ANXA4: variants seen among roughly 807,000 people sequenced by gnomAD.
The protein encoded by ANXA4 is 35-beta calcimedin.
In ANXA4, 39 loss-of-function variants were observed where a neutral mutation model predicts 49.8. The ratio of observed to expected loss-of-function variants is 0.78; its 90% CI spans 0.61 to 1.02. ANXA4 has a LOEUF of 1.02. Ranked by LOEUF, ANXA4 falls within the 50% of genes least tolerant of loss-of-function variation. The pLI, the probability that ANXA4 is intolerant of heterozygous loss-of-function variation, is 0.00. For synonymous variants in ANXA4, 134 were observed against 152.5 expected (o/e 0.88, Z 0.89); for missense variants, 360 against 410.1 (o/e 0.88, Z 1.05).
At chr2:69,654,377 A>G (rs1352220513) in intron 2 of ANXA4, among the ~76,000 whole-genome samples, 1 of 152,162 alleles carries the variant, frequency 6.6e-6, no homozygotes, top group Non-Finnish European at 1.5e-5. Context: ...TTCAAAGGGA[A>G]TGCTTCCAGC....
chr2:69,740,864 T>G (rs1372477715), upstream of ANXA4, among the ~76,000 whole-genome samples: 1 of 148,154 alleles, frequency 6.7e-6, no homozygotes. Context: ...TGTTTTTTTT[T>G]TTTTTTTTTT....
intron 3 of ANXA4, among the ~76,000 whole-genome samples, chr2:69,790,798 G>A (rs2103723874): frequency 6.6e-6 from 1 of 152,358 alleles, no homozygotes; most frequent in African/African-American, 2.4e-5. Flanking sequence ...GTTGACAGGA[G>A]TAAGCAGGGT....
intron 1 of ANXA4, among the ~76,000 whole-genome samples, chr2:69,754,222 C>G (rs1466186616): frequency 1.3e-5 from 2 of 152,184 alleles, no homozygotes; most frequent in Non-Finnish European, 2.9e-5. Flanking sequence ...CCCCCATTAA[C>G]ATAACTTATC....
intron 2 of ANXA4, among the ~76,000 whole-genome samples, chr2:69,692,258 G>T (rs1678002164): frequency 6.6e-6 from 1 of 152,138 alleles, no homozygotes; most frequent in African/African-American, 2.4e-5. Flanking sequence ...TCTAACATAT[G>T]GCATTATAAA....
chr2:69,724,791 A>T (rs1371013220), intron 3 of ANXA4, among the ~76,000 whole-genome samples: 1 of 152,264 alleles, frequency 6.6e-6, no homozygotes, highest in East Asian at 1.9e-4. Flanking sequence ...TCATTCGGCC[A>T]CGCTGCTCTC....
chr2:69,815,853 A>G (rs1254177082), intron 8 of ANXA4: 2 of 454,386 alleles, frequency 4.4e-6, no homozygotes, highest in Non-Finnish European at 4.0e-6. Flanking sequence ...CTTAAGATAG[A>G]ACCATGTAGT....
intron 3 of ANXA4, among the ~76,000 whole-genome samples, chr2:69,802,606 G>A (rs1029147284): frequency 3.9e-5 from 6 of 151,962 alleles, no homozygotes; most frequent in African/African-American, 1.2e-4. Context: ...AGCTACTGGG[G>A]AGGCTGAGGC....
intron 2 of ANXA4, among the ~76,000 whole-genome samples, chr2:69,699,953 T>A (rs1678277467): frequency 1.3e-5 from 2 of 152,130 alleles, no homozygotes; most frequent in African/African-American, 4.8e-5. Context: ...TCCAAAGACG[T>A]CCCAATGCAG....
Position 69,818,619 on chromosome 2 carries a change from A to G in ANXA4, c.649A>G (p.Ile217Val). 1.9e-6 allele frequency: 3 copies of G among 1,607,348 alleles called. No individual in the cohort carries two copies. Among genetic ancestry groups the G allele is most frequent in the Non-Finnish European group, 2.6e-6 (3 of 1,176,304 alleles). The change falls in exon 10 of 13, where the codon ATA (isoleucine) becomes GTA (valine). Residue 217 changes from isoleucine to valine, a missense_variant. Transcript: ENST00000394295. Reference protein sequence around the residue: ...LLHVFDEYKRISQKDIEQSIK... With the variant: ...LLHVFDEYKRVSQKDIEQSIK... ...TGCAGTGTTTGATGAATACAAAAGG[A>G]TATCACAGAAGGATATTGAACAGAG...
chr2:69,663,293 CTTTTTTTTTTTTTT>C (rs55970370), intron 2 of ANXA4, among the ~76,000 whole-genome samples: 37 of 42,834 alleles, frequency 8.6e-4, no homozygotes, highest in African/African-American at 1.9e-3. Flanking sequence ...TGCACCCGGC[CTTTTTTTTTTTTTT>C]TTTTTTTTTT....
intron 1 of ANXA4, among the ~76,000 whole-genome samples, chr2:69,646,650 A>T (rs1462254184): frequency 2.0e-5 from 3 of 152,292 alleles, no homozygotes; most frequent in Middle Eastern, 3.4e-3. Flanking sequence ...CCAAATTATA[A>T]ACAAGACCTA....
At position 69,812,728 on chromosome 2, in the gene ANXA4, T is replaced by G. The variant is rs1673762625; in HGVS notation, c.534+19T>G. On this transcript the variant is annotated intron_variant, in intron 8 of 12. Coordinates refer to ENST00000394295, the MANE Select transcript of ANXA4 (RefSeq NM_001153.5). Reference sequence around the variant, plus strand: ...TGCCCAGGTTGGTAGAACTGCAGCTTCTTTCTTCCAGCTTTCTTCTCTTTC... The same window carrying G: ...TGCCCAGGTTGGTAGAACTGCAGCTGCTTTCTTCCAGCTTTCTTCTCTTTC... 1 of 1,613,024 alleles carries G rather than the reference T, an allele frequency of 6.2e-7. No homozygotes were observed. Among genetic ancestry groups the G allele is most frequent in the South Asian group, 1.1e-5 (1 of 91,036 alleles).
At chr2:69,761,541 A>C (rs149475758) in intron 1 of ANXA4, among the ~76,000 whole-genome samples, 1 of 152,226 alleles carries the variant, frequency 6.6e-6, no homozygotes, top group Non-Finnish European at 1.5e-5. Context: ...TCTCTTGTCA[A>C]TTCCATCTCT....
intron 8 of ANXA4, chr2:69,815,189 CAGTCA>C (rs1431704122): frequency 1.3e-5 from 2 of 152,204 alleles, no homozygotes; most frequent in African/African-American, 4.8e-5. Context: ...ACCCATGGCT[CAGTCA>C]AGTTGACATA....
At chr2:69,789,279 G>C (rs1355919821) in intron 3 of ANXA4, among the ~76,000 whole-genome samples, 2 of 152,154 alleles carry the variant, frequency 1.3e-5, no homozygotes, top group Middle Eastern at 3.2e-3. Flanking sequence ...CTCTCACCAA[G>C]TCGCACAGTG....
At chr2:69,740,855 G>GTTTT (rs10718417), upstream of ANXA4, among the ~76,000 whole-genome samples, 8 of 98,364 alleles carry the variant, frequency 8.1e-5, no homozygotes, top group Non-Finnish European at 1.6e-4. Context: ...CTATATATAT[G>GTTTT]TTTTTTTTTT....
rs190118001 is a variant in ANXA4, at chr2:69,708,451, C to G, written n.767-12323C>G. Among the ~76,000 whole-genome samples, 452 of 152,196 alleles carry G rather than the reference C, an allele frequency of 3.0e-3. 6 individuals carry two copies. Among genetic ancestry groups the G allele is most frequent in the African/African-American group, 0.01 (426 of 41,510 alleles). ...TCTCTACAAAAAATACAAAAATTAG[C>G]CAGGCTGGTGGCATCCGCCTGTGAT... On this transcript the variant is annotated intron_variant and non_coding_transcript_variant, in intron 2 of 3. Coordinates refer to the ANXA4 transcript ENST00000418066.
chr2:69,792,390 A>G (rs1440059796), intron 3 of ANXA4, among the ~76,000 whole-genome samples: 1 of 152,254 alleles, frequency 6.6e-6, no homozygotes, highest in Non-Finnish European at 1.5e-5. Context: ...AACATTATAG[A>G]CAATCCTATT....
intron 1 of ANXA4, among the ~76,000 whole-genome samples, chr2:69,763,265 G>A (rs888489550): frequency 1.3e-5 from 2 of 152,140 alleles, no homozygotes; most frequent in Non-Finnish European, 2.9e-5. Context: ...GATGACTTCG[G>A]GGCGCGGGAG....
Sources: allele counts gnomAD v4.1 joint callset (sites outside exome capture counted in the v4.1 genomes callset), GRCh38; gene constraint gnomAD v4.1.1; transcripts MANE v1.5; gene names NCBI Gene and HGNC (gene_info 2026-07-23, HGNC 2026-07-21).